ICE1: variants seen among roughly 807,000 people sequenced by gnomAD.
ICE1 encodes the protein interactor of little elongation complex ELL subunit 1, also known as little elongation complex subunit 1.
Under a neutral mutation model 192.7 loss-of-function variants are expected in ICE1, and 64 were observed. That is an observed-to-expected ratio of 0.33 (90% CI 0.27 to 0.41). The LOEUF is 0.41. Among genes scored for constraint, ICE1 ranks in the 10% least tolerant of loss-of-function variants. ICE1 has a pLI of 1.00. For synonymous variants in ICE1, 1,010 were observed against 984.5 expected (o/e 1.03, Z -0.49); for missense variants, 2,708 against 2,696.0 (o/e 1.00, Z -0.10).
intron 12 of ICE1, among the ~76,000 whole-genome samples, chr5:5,460,083 T>TCAGA (rs1219505741): frequency 2.6e-5 from 4 of 152,108 alleles, no homozygotes; most frequent in African/African-American, 4.8e-5. Context: ...GCAACCTGGG[T>TCAGA]CAGAGCCTTT....
Position 5,469,276 on chromosome 5 carries a change from C to T in ICE1, c.6222+288C>T, listed in dbSNP as rs547875562. ...CATAGGTGTATATGTTTAAAAGTCT[C>T]AGAGAAGCTACAAAATTATTTGGTT... is the stretch of plus-strand genomic sequence containing the variant. On this transcript the variant is annotated intron_variant, in intron 15 of 18. Coordinates refer to ENST00000296564, the MANE Select transcript of ICE1 (RefSeq NM_015325.3). Among the ~76,000 whole-genome samples, 5 of 152,306 alleles carry T rather than the reference C, an allele frequency of 3.3e-5. No individual in the cohort carries two copies. The East Asian group carries it at 9.6e-4, about 29-fold the overall frequency.
chr5:5,432,799 ATTAT>A (rs1189148074), intron 1 of ICE1, among the ~76,000 whole-genome samples: 8 of 152,154 alleles, frequency 5.3e-5, no homozygotes, highest in African/African-American at 1.2e-4. Context: ...CAAATATAAT[ATTAT>A]TTATCTCATC....
rs940926480 is a variant in ICE1, at chr5:5,423,792, C to G, written c.84+793C>G. Among the ~76,000 whole-genome samples, 6 of 152,146 alleles carry G rather than the reference C, an allele frequency of 3.9e-5. No homozygotes were observed. The South Asian group carries it at 6.2e-4, about 16-fold the overall frequency. ...GGTTTCAGTGATAAAACGGAACTCA[C>G]CAGCACCTCATTACCTACTCTGCCT... On this transcript the variant is annotated intron_variant, in intron 1 of 18. Coordinates refer to ENST00000296564, the MANE Select transcript of ICE1 (RefSeq NM_015325.3).
intron 1 of ICE1, among the ~76,000 whole-genome samples, chr5:5,424,639 A>G (rs1737469762): frequency 6.6e-6 from 1 of 152,346 alleles, no homozygotes; most frequent in Non-Finnish European, 1.5e-5. Context: ...TGAATTGAAC[A>G]GAGATGGGGA....
intron 14 of ICE1, among the ~76,000 whole-genome samples, chr5:5,468,078 A>G (rs1450769470): frequency 6.6e-6 from 1 of 152,240 alleles, no homozygotes; most frequent in Non-Finnish European, 1.5e-5. Context: ...TGGCTATACA[A>G]AGGAATAGAC....
At chr5:5,441,509 A>G (rs1014119920) in intron 5 of ICE1, among the ~76,000 whole-genome samples, 6 of 152,222 alleles carry the variant, frequency 3.9e-5, no homozygotes, top group Admixed American at 3.9e-4. Flanking sequence ...GTTCTGCATT[A>G]ATTGATTTTT....
chr5:5,432,344 T>C (rs1029694192), intron 1 of ICE1, among the ~76,000 whole-genome samples: 1 of 152,246 alleles, frequency 6.6e-6, no homozygotes, highest in African/African-American at 2.4e-5. Flanking sequence ...TTGGTCCATG[T>C]TGTAGCATGT....
chr5:5,423,058 C>A, intron 1 of ICE1, 59 bp downstream of exon 1: 1 of 1,216,942 alleles, frequency 8.2e-7, no homozygotes, highest in Non-Finnish European at 1.1e-6. Context: ...CGGCCGGGAG[C>A]GCAGGGATGT....
At chr5:5,486,904 G>C in intron 18 of ICE1, 85 bp downstream of exon 18, 1 of 894,882 alleles carries the variant, frequency 1.1e-6, no homozygotes, top group Non-Finnish European at 1.7e-6. Flanking sequence ...GCTGTGTGCT[G>C]TGCTCTGTGC....
At chr5:5,456,622 G>A (rs1247935296) in intron 11 of ICE1, among the ~76,000 whole-genome samples, 5 of 151,934 alleles carry the variant, frequency 3.3e-5, no homozygotes, top group African/African-American at 9.7e-5. Context: ...ACCGCAAGAT[G>A]TTTCCATCTC....
rs1739268965 is a variant in ICE1, at chr5:5,475,004, A to G, written c.6414-969A>G. Among the ~76,000 whole-genome samples the G allele has an allele frequency of 3.3e-5, 5 of 152,312 alleles. No individual in the cohort carries two copies. The South Asian group carries it at 1.0e-3, about 32-fold the overall frequency. On this transcript the variant is annotated intron_variant, in intron 16 of 18. Transcript: ENST00000296564. Reference sequence around the variant, plus strand: ...AGTATTTCCCAGTCTGTTACTAAATAAGAAAATGACAGAACAGTCTGTCCA... The same window carrying G: ...AGTATTTCCCAGTCTGTTACTAAATGAGAAAATGACAGAACAGTCTGTCCA...
chr5:5,482,696 G>T (rs1393197414), intron 17 of ICE1, among the ~76,000 whole-genome samples: 4 of 152,090 alleles, frequency 2.6e-5, no homozygotes, highest in Middle Eastern at 3.4e-3. Context: ...TGGGCTGAGG[G>T]CAAAGGGTGA....
At chr5:5,488,039 T>C (rs952973772) in intron 18 of ICE1, among the ~76,000 whole-genome samples, 1 of 152,176 alleles carries the variant, frequency 6.6e-6, no homozygotes, top group African/African-American at 2.4e-5. Context: ...CACATGCTGT[T>C]ATTTATTAAA....
intron 3 of ICE1, chr5:5,437,907 C>T (rs960133955): frequency 3.3e-5 from 5 of 152,234 alleles, no homozygotes; most frequent in African/African-American, 4.8e-5. Flanking sequence ...TTGGCAATAA[C>T]TTGAGGCCTG....
chr5:5,445,456 C>T (rs992494084), intron 7 of ICE1, among the ~76,000 whole-genome samples: 1 of 151,862 alleles, frequency 6.6e-6, no homozygotes, highest in Non-Finnish European at 1.5e-5. Context: ...TTTTTTGAGA[C>T]AGGGTCTCTC....
chr5:5,467,096 A>C (rs919061535), intron 14 of ICE1, among the ~76,000 whole-genome samples: 2 of 152,204 alleles, frequency 1.3e-5, no homozygotes, highest in African/African-American at 4.8e-5. Context: ...ACCATCTTTG[A>C]CTACCATGTT....
intron 17 of ICE1, among the ~76,000 whole-genome samples, chr5:5,483,773 A>G (rs998769970): frequency 5.9e-5 from 9 of 152,208 alleles, no homozygotes; most frequent in Non-Finnish European, 1.2e-4. Flanking sequence ...CTAGAGCTAG[A>G]AAAACACTGT....
Position 5,466,314 on chromosome 5 carries a change from T to A in ICE1, c.5893-20T>A, listed in dbSNP as rs1331730588. On this transcript the variant is annotated intron_variant, in intron 13 of 18. Transcript: ENST00000296564. ...TAAGTATGAGTGTACATTGCCTTTT[T>A]AATTTTTTTTTCAATCCAGCATTTA... The A allele has an allele frequency of 6.3e-7, 1 of 1,580,462 alleles. No homozygotes were observed. The highest frequency in any genetic ancestry group is 8.6e-7 in the Non-Finnish European group (1 of 1,166,210).
chr5:5,460,102 A>G (rs183695637), intron 12 of ICE1, among the ~76,000 whole-genome samples: 27 of 152,320 alleles, frequency 1.8e-4, no homozygotes, highest in African/African-American at 6.3e-4. Context: ...TTGTTACTAG[A>G]TGATGGGGAA....
Sources: allele counts gnomAD v4.1 joint callset (sites outside exome capture counted in the v4.1 genomes callset), GRCh38; gene constraint gnomAD v4.1.1; transcripts MANE v1.5; gene names NCBI Gene and HGNC (gene_info 2026-07-23, HGNC 2026-07-21).